TTC1: variants seen among roughly 807,000 people sequenced by gnomAD.
TTC1 encodes tetratricopeptide repeat domain 1, also known as tetratricopeptide repeat protein 1.
TTC1 carries 31 observed loss-of-function variants against 37.6 expected under a neutral mutation model. That is an observed-to-expected ratio of 0.82 (90% CI 0.62 to 1.11). The LOEUF (loss-of-function observed/expected upper bound fraction) is 1.11. Ranked by LOEUF, TTC1 falls within the 50% of genes most tolerant of loss-of-function variation. TTC1 has a pLI of 0.00. For synonymous variants in TTC1, 127 were observed against 122.4 expected (o/e 1.04, Z -0.25); for missense variants, 351 against 339.0 (o/e 1.04, Z -0.28).
In TTC1 at chr5:160,036,789, G is replaced by A. The variant is rs1392644306; in HGVS notation, c.490G>A (p.Ala164Thr). ...RSILFSNRAAARMKQDKKEMA... is the reference protein window; with the variant it reads ...RSILFSNRAATRMKQDKKEMA... ...GATTCTATTTTCAAATAGAGCTGCA[G>A]CAAGGATGAAACAGGTATGTATCTG... The change falls in exon 4 of 8, where the codon GCA becomes ACA. Residue 164 changes from alanine to threonine, a missense_variant. By Grantham distance (58) the Ala-to-Thr change is moderately conservative (BLOSUM62 0). Coordinates refer to ENST00000231238, the MANE Select transcript of TTC1 (RefSeq NM_003314.3). 1.2e-6 allele frequency: 2 copies of A among 1,612,840 alleles called. No homozygotes were observed. The highest frequency in any genetic ancestry group is 3.3e-5 in the Admixed American group (2 of 59,992).
chr5:160,016,668 T>C (rs1420870066), intron 2 of TTC1, among the ~76,000 whole-genome samples: 2 of 152,202 alleles, frequency 1.3e-5, no homozygotes, highest in East Asian at 1.9e-4. Flanking sequence ...ATTACATTAT[T>C]CCATTTTAAG....
intron 2 of TTC1, chr5:160,023,836 G>C: frequency 6.2e-7 from 1 of 1,613,584 alleles, no homozygotes. Flanking sequence ...AGCTGTCAGA[G>C]TCAGATGACT....
chr5:160,043,185 C>T lies in TTC1; in HGVS notation c.541+16C>T, dbSNP rs751243594. The stretch of plus-strand genomic sequence containing the variant: ...TGCAGCAAAGGTACAGCTTTATTAT[C>T]TTATTACATGTTAACATACAGGAGC... On this transcript the variant is annotated intron_variant, in intron 5 of 7. Transcript: ENST00000231238. The T allele has an allele frequency of 3.0e-5, 48 of 1,612,954 alleles. No individual in the cohort carries two copies. Among genetic ancestry groups the T allele is most frequent in the Non-Finnish European group, 3.9e-5 (46 of 1,179,488 alleles).
intron 7 of TTC1, among the ~76,000 whole-genome samples, chr5:160,055,595 C>T (rs1475946384): frequency 6.6e-6 from 1 of 152,252 alleles, no homozygotes; most frequent in Admixed American, 6.5e-5. Context: ...GGCCCTACCC[C>T]AGACCTACTG....
intron 5 of TTC1, among the ~76,000 whole-genome samples, chr5:160,048,096 AAAG>A (rs1163105640): frequency 6.7e-6 from 1 of 148,666 alleles, no homozygotes; most frequent in East Asian, 2.0e-4. Flanking sequence ...GATTATGAGA[AAAG>A]AAAAAAGTTC....
In TTC1 at chr5:160,010,851, A is replaced by G. The variant is rs1466976499; in HGVS notation, c.323A>G (p.Glu108Gly). 1 of 1,611,354 alleles carries G rather than the reference A, an allele frequency of 6.2e-7. No homozygotes were observed. Among genetic ancestry groups the G allele is most frequent in the East Asian group, 2.2e-5 (1 of 44,836 alleles). The change falls in exon 2 of 8, where the codon GAG becomes GGG. Residue 108 changes from glutamate (E) to glycine (G), a missense_variant. By Grantham distance (98) the Glu-to-Gly change is moderately conservative. Transcript: ENST00000231238. ...IELEKNMSDE[E>G]KQKRREESTR... is the part of the protein sequence containing the mutation. Reference sequence around the variant, plus strand: ...CTGGAAAAAAACATGTCGGATGAAGAGAAACAGGTAAGTATTTTATTTATT... The same window carrying G: ...CTGGAAAAAAACATGTCGGATGAAGGGAAACAGGTAAGTATTTTATTTATT...
At chr5:160,022,683 A>G (rs1382863681) in intron 2 of TTC1, among the ~76,000 whole-genome samples, 1 of 151,980 alleles carries the variant, frequency 6.6e-6, no homozygotes, top group African/African-American at 2.4e-5. Context: ...TTACAGGAAG[A>G]CTCTTCACTT....
chr5:160,037,701 C>CA (rs1302020423), intron 4 of TTC1, among the ~76,000 whole-genome samples: 9 of 148,972 alleles, frequency 6.0e-5, no homozygotes, highest in East Asian at 3.9e-4. Context: ...AACTCTGTCT[C>CA]AAAAAAAAAG....
chr5:160,055,029 TG>T (rs1757507096), intron 7 of TTC1, among the ~76,000 whole-genome samples: 2 of 152,138 alleles, frequency 1.3e-5, no homozygotes, highest in South Asian at 4.1e-4. Flanking sequence ...AGTGCCTTCC[TG>T]GGGGTTGGTT....
chr5:160,046,624 TTA>T (rs1228184663), intron 5 of TTC1, among the ~76,000 whole-genome samples: 2 of 152,134 alleles, frequency 1.3e-5, no homozygotes, highest in Admixed American at 6.6e-5. Flanking sequence ...ATATTTATGT[TTA>T]TGTTATATAC....
chr5:160,048,205 T>C (rs1757308804), intron 5 of TTC1, among the ~76,000 whole-genome samples: 1 of 131,794 alleles, frequency 7.6e-6, no homozygotes, highest in Non-Finnish European at 1.5e-5. Context: ...TGGAGTACAG[T>C]GATGCAATCG....
intron 2 of TTC1, among the ~76,000 whole-genome samples, chr5:160,023,461 TTTTTTA>T (rs1756748120): frequency 6.6e-6 from 1 of 152,066 alleles, no homozygotes; most frequent in African/African-American, 2.4e-5. Flanking sequence ...CCAGCTAATT[TTTTTTA>T]TTTTTAGGAG....
At chr5:160,043,924 T>C (rs1037032960) in intron 5 of TTC1, among the ~76,000 whole-genome samples, 7 of 152,220 alleles carry the variant, frequency 4.6e-5, no homozygotes, top group Non-Finnish European at 7.3e-5. Context: ...CTAACTTTTA[T>C]AGGGACACCT....
chr5:160,020,693 G>A (rs564489741), intron 2 of TTC1, among the ~76,000 whole-genome samples: 139 of 152,350 alleles, frequency 9.1e-4, no homozygotes, highest in African/African-American at 3.2e-3. Flanking sequence ...CAAGGGATCT[G>A]TGTTGCCTGC....
chr5:160,046,511 TC>T (rs1757250996), intron 5 of TTC1, among the ~76,000 whole-genome samples: 2 of 152,268 alleles, frequency 1.3e-5, no homozygotes, highest in South Asian at 4.1e-4. Flanking sequence ...CTGTATTTTC[TC>T]CCTAAGTGAT....
intron 7 of TTC1, among the ~76,000 whole-genome samples, chr5:160,058,047 G>A (rs112172691): frequency 0.041 from 6,250 of 152,316 alleles, 156 homozygotes; most frequent in East Asian, 0.12. Flanking sequence ...GATTATAGGC[G>A]TGAGCCACTG....
intron 4 of TTC1, among the ~76,000 whole-genome samples, chr5:160,041,313 C>CTTTTTTTTT (rs368094676): frequency 7.4e-6 from 1 of 135,610 alleles, no homozygotes; most frequent in South Asian, 2.3e-4. Context: ...TGCTTTCTTT[C>CTTTTTTTTT]TTTTTTTTTT....
chr5:160,049,661 T>C lies in TTC1; in HGVS notation c.689T>C (p.Met230Thr), dbSNP rs1757350231. 1.9e-6 allele frequency: 3 copies of C among 1,569,264 alleles called. No individual in the cohort carries two copies. In the East Asian group the frequency reaches 6.8e-5, roughly 36 times the overall value. The change falls in exon 6 of 8, where the codon ATG (methionine) becomes ACG (threonine). Residue 230 changes from methionine to threonine, a missense_variant and splice_region_variant. By Grantham distance (81) the Met-to-Thr change is moderately conservative. Transcript: ENST00000231238. ...PSIHQAREAC[M>T]RLPKQIEERN... ...ATACATCAAGCAAGAGAAGCTTGTA[T>C]GGTAAAACCTAAAATTTTAAAAATA...
chr5:160,049,658 G>T lies in TTC1; in HGVS notation c.686G>T (p.Cys229Phe), dbSNP rs1396312464. The T allele has an allele frequency of 7.6e-6, 12 of 1,574,392 alleles. No homozygotes were observed. The highest frequency in any genetic ancestry group is 2.0e-5 in the Admixed American group (1 of 49,478). ...DPSIHQAREA[C>F]MRLPKQIEER... ...TCAATACATCAAGCAAGAGAAGCTT[G>T]TATGGTAAAACCTAAAATTTTAAAA... The change falls in exon 6 of 8, where the codon TGT becomes TTT. Residue 229 changes from cysteine (C) to phenylalanine (F), a missense_variant. Cys to Phe is a radical substitution (Grantham distance 205). Coordinates refer to ENST00000231238, the MANE Select transcript of TTC1 (RefSeq NM_003314.3).
Sources: allele counts gnomAD v4.1 joint callset (sites outside exome capture counted in the v4.1 genomes callset), GRCh38; gene constraint gnomAD v4.1.1; transcripts MANE v1.5; gene names NCBI Gene and HGNC (gene_info 2026-07-23, HGNC 2026-07-21).